ACOXL: variants seen among roughly 807,000 people sequenced by gnomAD.
The protein encoded by ACOXL is acyl-CoA oxidase like.
Under a neutral mutation model 71.9 loss-of-function variants are expected in ACOXL, and 70 were observed. The ratio of observed to expected loss-of-function variants is 0.97; its 90% CI spans 0.80 to 1.19. The LOEUF is 1.19. Among genes scored for constraint, ACOXL ranks in the 50% most tolerant of loss-of-function variants. The pLI is 0.00. For synonymous variants in ACOXL, 253 were observed against 281.6 expected (o/e 0.90, Z 1.02); for missense variants, 703 against 736.3 (o/e 0.95, Z 0.52).
At chr2:110,833,835 T>G (rs1690136382) in intron 9 of ACOXL, among the ~76,000 whole-genome samples, 2 of 152,182 alleles carry the variant, frequency 1.3e-5, no homozygotes, top group African/African-American at 2.4e-5. Context: ...AGCTGAAAGC[T>G]AAGGAGAAAA....
intron 9 of ACOXL, among the ~76,000 whole-genome samples, chr2:110,816,361 A>T (rs184437923): frequency 6.6e-6 from 1 of 152,272 alleles, no homozygotes; most frequent in East Asian, 1.9e-4. Context: ...AGCTCTGTGG[A>T]GATTGGGTTT....
At chr2:110,941,090 G>T (rs1323749718) in intron 12 of ACOXL, among the ~76,000 whole-genome samples, 1 of 152,186 alleles carries the variant, frequency 6.6e-6, no homozygotes, top group Non-Finnish European at 1.5e-5. Context: ...GATACTGGTT[G>T]GAATTTTCAT....
At chr2:111,060,450 G>T (rs1454115040) in intron 16 of ACOXL, among the ~76,000 whole-genome samples, 3 of 152,164 alleles carry the variant, frequency 2.0e-5, no homozygotes, top group African/African-American at 7.2e-5. Context: ...CCCCACCCCA[G>T]CAGCAACGAG....
intron 3 of ACOXL, among the ~76,000 whole-genome samples, chr2:110,790,435 C>T (rs1684505811): frequency 6.6e-6 from 1 of 152,210 alleles, no homozygotes; most frequent in Non-Finnish European, 1.5e-5. Context: ...GCTGCCGACC[C>T]TCATTGGGCA....
intron 10 of ACOXL, among the ~76,000 whole-genome samples, chr2:110,895,298 C>G (rs1426755823): frequency 6.6e-6 from 1 of 151,672 alleles, no homozygotes; most frequent in Non-Finnish European, 1.5e-5. Context: ...TGGATGGTCT[C>G]AACAGAAAAA....
chr2:110,818,237 C>A (rs372423113), intron 9 of ACOXL, among the ~76,000 whole-genome samples: 6 of 151,482 alleles, frequency 4.0e-5, no homozygotes, highest in African/African-American at 1.5e-4. Flanking sequence ...ACTAAAATTA[C>A]AAAAATTAGC....
chr2:111,088,143 CA>C (rs1158552499), intron 16 of ACOXL, among the ~76,000 whole-genome samples: 2 of 152,302 alleles, frequency 1.3e-5, no homozygotes, highest in Non-Finnish European at 2.9e-5. Flanking sequence ...CAAAAAATAA[CA>C]GATGCTGGCA....
At chr2:111,025,319 T>C (rs1458641501) in intron 14 of ACOXL, among the ~76,000 whole-genome samples, 1 of 152,256 alleles carries the variant, frequency 6.6e-6, no homozygotes, top group Non-Finnish European at 1.5e-5. Context: ...TGTGGACATA[T>C]GTTTTTGTTT....
intron 1 of ACOXL, among the ~76,000 whole-genome samples, chr2:110,766,365 A>G (rs144107946): frequency 1.1e-4 from 16 of 152,264 alleles, no homozygotes; most frequent in Admixed American, 2.6e-4. Flanking sequence ...CCAGGTGGCC[A>G]TGTATATTCA....
chr2:111,046,182 C>T (rs1357774770), intron 15 of ACOXL, among the ~76,000 whole-genome samples: 4 of 152,248 alleles, frequency 2.6e-5, no homozygotes, highest in Non-Finnish European at 5.9e-5. Context: ...ACTGCCAGCA[C>T]CGTTTCTTTA....
At chr2:110,753,878 T>G (rs1679322034) in intron 1 of ACOXL, among the ~76,000 whole-genome samples, 1 of 152,134 alleles carries the variant, frequency 6.6e-6, no homozygotes, top group Non-Finnish European at 1.5e-5. Context: ...TGTCAAAATT[T>G]TGTGTTGTCA....
At chr2:111,098,784 T>A (rs1330933969) in intron 17 of ACOXL, 2 of 152,154 alleles carry the variant, frequency 1.3e-5, no homozygotes, top group Non-Finnish European at 2.9e-5. Context: ...AACAAAAAGT[T>A]AGCATAGGGA....
intron 10 of ACOXL, among the ~76,000 whole-genome samples, chr2:110,849,621 G>T (rs1042009484): frequency 6.6e-6 from 1 of 152,156 alleles, no homozygotes; most frequent in Non-Finnish European, 1.5e-5. Context: ...AGCCAGGCGT[G>T]GTGGCACGTG....
At chr2:110,942,098 G>C (rs558208118) in intron 12 of ACOXL, among the ~76,000 whole-genome samples, 1 of 152,320 alleles carries the variant, frequency 6.6e-6, no homozygotes, top group East Asian at 1.9e-4. Context: ...GAAGTCATTT[G>C]CTATTATTTG....
At chr2:110,844,824 G>C (rs1016585192) in intron 10 of ACOXL, among the ~76,000 whole-genome samples, 1 of 152,046 alleles carries the variant, frequency 6.6e-6, no homozygotes, top group Non-Finnish European at 1.5e-5. Flanking sequence ...TGGGATTACA[G>C]GTGTGAGCCA....
intron 15 of ACOXL, among the ~76,000 whole-genome samples, chr2:111,043,411 T>C (rs748214365): frequency 6.6e-6 from 1 of 152,128 alleles, no homozygotes; most frequent in Non-Finnish European, 1.5e-5. Context: ...CATTTCCCTG[T>C]TGTGTTATGA....
At chr2:111,051,201 A>AT (rs142558373) in intron 16 of ACOXL, among the ~76,000 whole-genome samples, 7,340 of 152,116 alleles carry the variant, frequency 0.048, 248 homozygotes, top group Admixed American at 0.081. Flanking sequence ...CTATTTTATG[A>AT]TTTTTTTTAG....
intron 11 of ACOXL, among the ~76,000 whole-genome samples, chr2:110,928,370 C>G (rs995269284): frequency 3.3e-5 from 5 of 152,158 alleles, no homozygotes; most frequent in Non-Finnish European, 7.3e-5. Flanking sequence ...CAAAGTTAGA[C>G]TTTATGAATA....
At chr2:110,845,294 A>C (rs1573800555) in intron 10 of ACOXL, among the ~76,000 whole-genome samples, 4 of 152,160 alleles carry the variant, frequency 2.6e-5, no homozygotes, top group Admixed American at 2.0e-4. Flanking sequence ...GGAAGGCTTC[A>C]TGAAGCCTCT....
Sources: allele counts gnomAD v4.1 joint callset (sites outside exome capture counted in the v4.1 genomes callset), GRCh38; gene constraint gnomAD v4.1.1; transcripts MANE v1.5; gene names NCBI Gene and HGNC (gene_info 2026-07-23, HGNC 2026-07-21).